PROX1: variants seen among roughly 807,000 people sequenced by gnomAD.
PROX1 encodes the protein prospero homeobox protein 1.
Under a neutral mutation model 58.8 loss-of-function variants are expected in PROX1, and 7 were observed. The ratio of observed to expected loss-of-function variants is 0.12; its 90% CI spans 0.07 to 0.22. The LOEUF (loss-of-function observed/expected upper bound fraction) is 0.22. Ranked by LOEUF, PROX1 falls within the 10% of genes least tolerant of loss-of-function variation. PROX1 has a pLI of 1.00. For synonymous variants in PROX1, 350 were observed against 358.3 expected (o/e 0.98, Z 0.26); for missense variants, 675 against 927.8 (o/e 0.73, Z 3.54).
intron 1 of PROX1, among the ~76,000 whole-genome samples, chr1:213,992,862 T>C (rs1161582579): frequency 6.6e-6 from 1 of 152,206 alleles, no homozygotes; most frequent in South Asian, 2.1e-4. Context: ...CACTTTATAC[T>C]TCACGCTGCA....
In PROX1 at chr1:214,039,762, TA is replaced by T. The variant is rs1664948100; in HGVS notation, c.*3930del. The T allele has an allele frequency of 6.6e-6, 1 of 151,786 alleles. No homozygotes were observed. The highest frequency in any genetic ancestry group is 2.1e-4 in the South Asian group (1 of 4,810). The allele number at this position is 151,786 out of a possible 1,614,324, so 9.4% of individuals were successfully genotyped here. ...TTTCTATGTACATGAAGACATTTAG[TA>T]AGTAACACCCCCCCTTCCCATGCGC... On this transcript the variant is annotated 3_prime_UTR_variant, in exon 5 of 5. Coordinates refer to ENST00000366958, the MANE Select transcript of PROX1 (RefSeq NM_001270616.2).
chr1:213,990,082 C>T (rs1662969257), intron 1 of PROX1, among the ~76,000 whole-genome samples: 1 of 147,266 alleles, frequency 6.8e-6, no homozygotes, highest in Non-Finnish European at 1.5e-5. Flanking sequence ...AAAGTCAAGG[C>T]TAGAAGACTC....
At chr1:214,034,218 T>C (rs1356506148) in intron 4 of PROX1, among the ~76,000 whole-genome samples, 4 of 152,236 alleles carry the variant, frequency 2.6e-5, no homozygotes, top group African/African-American at 9.6e-5. Flanking sequence ...CGGGTGATGA[T>C]TCTGGTTTTC....
chr1:214,005,423 G>C, intron 3 of PROX1, 151 bp downstream of exon 3: 1 of 655,574 alleles, frequency 1.5e-6, no homozygotes, highest in Non-Finnish European at 2.6e-6. Flanking sequence ...TTGTCTAAAG[G>C]TGTGTTAAGC....
chr1:214,029,255 C>A (rs1418382454), intron 4 of PROX1: 1 of 152,238 alleles, frequency 6.6e-6, no homozygotes, highest in African/African-American at 2.4e-5. Context: ...TGCCCATTCT[C>A]TTTTTAACTT....
chr1:213,996,703 T>C lies in PROX1; in HGVS notation c.168T>C (p.Tyr56=). 6.2e-7 allele frequency: 1 copy of C among 1,614,192 alleles called. No homozygotes were observed. The highest frequency in any genetic ancestry group is 8.5e-7 in the Non-Finnish European group (1 of 1,180,030). The change falls in exon 2 of 5, where the codon TAT becomes TAC. Residue 56 remains tyrosine, a synonymous_variant. Transcript: ENST00000366958. ...NPQGSEQDVE[Y]SVVQHADGEK... is the part of the protein sequence containing the mutation. ...AAGGTTCTGAGCAGGATGTTGAGTA[T>C]TCAGTGGTGCAGCATGCAGATGGGG... is the stretch of plus-strand genomic sequence containing the variant.
At chr1:214,007,558 A>G (rs942281999) in intron 3 of PROX1, among the ~76,000 whole-genome samples, 1 of 152,258 alleles carries the variant, frequency 6.6e-6, no homozygotes, top group Non-Finnish European at 1.5e-5. Context: ...AAGGTAGTCC[A>G]GGCAATGTGG....
chr1:213,986,279 AAAG>A (rs1322877669), upstream of PROX1: 1 of 152,078 alleles, frequency 6.6e-6, no homozygotes, highest in Admixed American at 6.6e-5. Flanking sequence ...GCAAAAGGGG[AAAG>A]AAGAAGGCTG....
upstream of PROX1, chr1:213,984,724 T>C (rs1019157058): frequency 2.6e-5 from 4 of 153,746 alleles, no homozygotes. Flanking sequence ...CTGATAGTGA[T>C]GGTGGTAGTG....
intron 2 of PROX1, among the ~76,000 whole-genome samples, chr1:214,001,794 A>G (rs1341637765): frequency 1.3e-5 from 2 of 152,098 alleles, no homozygotes; most frequent in Non-Finnish European, 2.9e-5. Flanking sequence ...AAACATGTAG[A>G]TTAAAGACTA....
chr1:214,020,561 G>T (rs1664246418), intron 4 of PROX1, among the ~76,000 whole-genome samples: 1 of 152,204 alleles, frequency 6.6e-6, no homozygotes, highest in African/African-American at 2.4e-5. Context: ...TTGTGAAGGT[G>T]TACTGGTTTC....
Position 214,036,827 on chromosome 1 carries a change from T to A in PROX1, c.*993T>A, listed in dbSNP as rs552398358. On this transcript the variant is annotated 3_prime_UTR_variant, in exon 5 of 5. Coordinates refer to ENST00000366958, the MANE Select transcript of PROX1 (RefSeq NM_001270616.2). ...CCAACTTGGCCATAAAATTCTTGCC[T>A]ACACTAGAAGTTTGTTGACAGCCAT... 1.3e-5 allele frequency: 2 copies of A among 152,350 alleles called. No homozygotes were observed. The highest frequency in any genetic ancestry group is 4.1e-4 in the South Asian group (2 of 4,832). 9.4% of individuals were successfully genotyped at this position (152,350 alleles called of 1,614,324 possible).
chr1:213,997,900 T>C lies in PROX1; in HGVS notation c.1365T>C (p.Pro455=). ...CCTCTGACCAGTCTGCCTCCGGCCC[T>C]GCCGCTGGCGGCCACCACCAGCCCC... ...KNSSDQSASG[P]AAGGHHQPLH... Residue 455 remains proline (P), a synonymous_variant, in exon 2 of 5, where the codon CCT becomes CCC. Coordinates refer to ENST00000366958, the MANE Select transcript of PROX1 (RefSeq NM_001270616.2). This position sits in a 1 kb window ranked among gnomAD's most constrained non-coding sequence, Gnocchi z 7.1. 1 of 1,612,598 alleles carries C rather than the reference T, an allele frequency of 6.2e-7. No individual in the cohort carries two copies. The highest frequency in any genetic ancestry group is 1.3e-5 in the African/African-American group (1 of 75,068).
At position 214,008,393 on chromosome 1, in the gene PROX1, G is replaced by A. The variant is rs182164657; in HGVS notation, c.1833+3121G>A. 6.0e-5 allele frequency among the ~76,000 whole-genome samples: 9 copies of A among 149,392 alleles called. No individual in the cohort carries two copies. In the East Asian group the frequency reaches 1.6e-3, roughly 26 times the overall value. ...TAGTGATCATAAGTTCATTTTGCAA[G>A]CAAAAACAAAAAACAAACAACAACA... On this transcript the variant is annotated intron_variant, in intron 3 of 4. Coordinates refer to ENST00000366958, the MANE Select transcript of PROX1 (RefSeq NM_001270616.2).
intron 4 of PROX1, among the ~76,000 whole-genome samples, chr1:214,032,435 C>T (rs1056198323): frequency 1.3e-5 from 2 of 151,784 alleles, no homozygotes; most frequent in Non-Finnish European, 2.9e-5. Flanking sequence ...CTCACTGTCA[C>T]CCAGGCTGTA....
rs189248252 is a variant in PROX1 at position 214,039,773 on chromosome 1, C to A, written c.*3939C>A. 2.0e-5 allele frequency: 3 copies of A among 151,976 alleles called. No individual in the cohort carries two copies. The highest frequency in any genetic ancestry group is 7.3e-5 in the African/African-American group (3 of 41,370). The allele number at this position is 151,976 out of a possible 1,614,324, so 9.4% of individuals were successfully genotyped here. ...ATGAAGACATTTAGTAAGTAACACC[C>A]CCCCTTCCCATGCGCACATGTGCGC... On this transcript the variant is annotated 3_prime_UTR_variant, in exon 5 of 5. Coordinates refer to ENST00000366958, the MANE Select transcript of PROX1 (RefSeq NM_001270616.2).
In PROX1 at chr1:214,039,109, TA is replaced by T. The variant is rs1664923279; in HGVS notation, c.*3276del. ...ATATACACACATGTAAAAATATACA[TA>T]TATATATATGCGTGTGAAGTGGAAA... On this transcript the variant is annotated 3_prime_UTR_variant, in exon 5 of 5. Transcript: ENST00000366958. 1.3e-5 allele frequency: 2 copies of T among 151,868 alleles called. No homozygotes were observed. The highest frequency in any genetic ancestry group is 6.6e-5 in the Admixed American group (1 of 15,252). The allele number at this position is 151,868 out of a possible 1,614,324, so 9.4% of individuals were successfully genotyped here.
chr1:214,002,558 A>G (rs1298787947), intron 2 of PROX1, among the ~76,000 whole-genome samples: 2 of 152,020 alleles, frequency 1.3e-5, no homozygotes, highest in Admixed American at 1.3e-4. Flanking sequence ...CTGCTGGGAC[A>G]GATCTTGTTT....
At chr1:214,001,836 C>T (rs1192833438) in intron 2 of PROX1, among the ~76,000 whole-genome samples, 1 of 151,510 alleles carries the variant, frequency 6.6e-6, no homozygotes, top group Non-Finnish European at 1.5e-5. Flanking sequence ...TACCCCCCTC[C>T]CCTGAAAAAA....
Sources: allele counts gnomAD v4.1 joint callset (sites outside exome capture counted in the v4.1 genomes callset), GRCh38; gene constraint gnomAD v4.1.1; non-coding constraint Gnocchi (gnomAD v3.1); transcripts MANE v1.5; gene names NCBI Gene and HGNC (gene_info 2026-07-23, HGNC 2026-07-21).